The following PDZD2 variants were observed in gnomAD, a reference collection of about 807,000 sequenced individuals.
PDZD2 encodes the protein PDZ domain-containing protein 2.
PDZD2 carries 90 observed loss-of-function variants against 220.7 expected under a neutral mutation model. The ratio of observed to expected loss-of-function variants is 0.41; its 90% CI spans 0.34 to 0.49. The LOEUF is 0.49. Ranked by LOEUF, PDZD2 falls within the 20% of genes least tolerant of loss-of-function variation. The pLI, the probability that PDZD2 is intolerant of heterozygous loss-of-function variation, is 0.28. For synonymous variants in PDZD2, 1,375 were observed against 1,450.5 expected, an observed-to-expected ratio of 0.95 and a Z score of 1.18; for missense variants, 3,174 against 3,608.5, an observed-to-expected ratio of 0.88 and a Z score of 3.08.
In PDZD2 at chr5:31,699,793, T is replaced by G. The variant is rs555225466; in HGVS notation, c.-361+60356T>G. ...TTTTTTTTTGTTTGTTTTTTTTTTG[T>G]TTTTTTTTTGGTATTTTAGTAGAGA... is the stretch of plus-strand genomic sequence containing the variant. On this transcript the variant is annotated intron_variant, in intron 1 of 24. Transcript: ENST00000438447. Among the ~76,000 whole-genome samples, 70 of 118,484 alleles carry G rather than the reference T, an allele frequency of 5.9e-4. 2 individuals carry two copies. Among genetic ancestry groups the G allele is most frequent in the South Asian group, 1.6e-3 (6 of 3,732 alleles). The allele number at this position is 118,484 out of a possible 152,430, so 77.7% of individuals were successfully genotyped here. A position where few individuals can be genotyped will look rare whatever the true frequency, so the allele number is the denominator to read the frequency against.
chr5:31,782,474 C>G (rs1753112643), intron 1 of PDZD2, among the ~76,000 whole-genome samples: 1 of 152,052 alleles, frequency 6.6e-6, no homozygotes, highest in Non-Finnish European at 1.5e-5. Flanking sequence ...TTCCTGTGGT[C>G]CCAGTCTCAG....
At chr5:31,932,167 A>G (rs997988277) in intron 2 of PDZD2, among the ~76,000 whole-genome samples, 6 of 152,192 alleles carry the variant, frequency 3.9e-5, no homozygotes, top group African/African-American at 1.4e-4. Context: ...TTTTAAGACC[A>G]TTTATGAATT....
chr5:31,699,652 G>A (rs889129019), intron 1 of PDZD2, among the ~76,000 whole-genome samples: 1 of 152,110 alleles, frequency 6.6e-6, no homozygotes, highest in African/African-American at 2.4e-5. Context: ...CACCCAGACT[G>A]GAGTGTAGTG....
At chr5:32,045,635 G>A (rs1371711312) in intron 7 of PDZD2, among the ~76,000 whole-genome samples, 1 of 150,502 alleles carries the variant, frequency 6.6e-6, no homozygotes, top group Non-Finnish European at 1.5e-5. Flanking sequence ...CACCATGTTG[G>A]CCAGGATGGT....
intron 8 of PDZD2, among the ~76,000 whole-genome samples, chr5:32,052,338 G>T (rs900963257): frequency 1.3e-5 from 2 of 152,208 alleles, no homozygotes; most frequent in African/African-American, 4.8e-5. Flanking sequence ...TAGAGCCGGG[G>T]TTTCACCACG....
intron 2 of PDZD2, chr5:31,923,618 ATCAT>A: frequency 1.4e-6 from 1 of 731,886 alleles, no homozygotes; most frequent in South Asian, 1.4e-5. Context: ...GAGATGGGAC[ATCAT>A]TCAGTCACTA....
At chr5:32,095,904 CTT>C (rs78609791) in intron 21 of PDZD2, among the ~76,000 whole-genome samples, 18 of 121,308 alleles carry the variant, frequency 1.5e-4, no homozygotes, top group Middle Eastern at 4.2e-3. Context: ...CCATGCCCGG[CTT>C]TTTTTTTTTT....
At chr5:31,753,600 C>CAAAT (rs71614264) in intron 1 of PDZD2, among the ~76,000 whole-genome samples, 87,052 of 148,902 alleles carry the variant, frequency 0.58, 25,923 homozygotes, top group East Asian at 0.87. Flanking sequence ...GACTCTGTCT[C>CAAAT]AAATAAATAA....
intron 1 of PDZD2, among the ~76,000 whole-genome samples, chr5:31,798,119 G>C (rs902273122): frequency 6.6e-6 from 1 of 152,184 alleles, no homozygotes; most frequent in African/African-American, 2.4e-5. Context: ...TGGCCCTGCT[G>C]TCTGCTGACT....
At chr5:31,850,341 G>T (rs970344208) in intron 2 of PDZD2, among the ~76,000 whole-genome samples, 1 of 135,558 alleles carries the variant, frequency 7.4e-6, no homozygotes, top group Non-Finnish European at 1.7e-5. Flanking sequence ...GAAAACAAAG[G>T]TCCGATGTTT....
At position 32,109,508 on chromosome 5, in the gene PDZD2, G is replaced by T. The variant is rs917109889; in HGVS notation, c.*1373G>T. The T allele has an allele frequency of 6.6e-6, 1 of 152,172 alleles. No homozygotes were observed. The highest frequency in any genetic ancestry group is 2.1e-4 in the South Asian group (1 of 4,822). The allele number at this position is 152,172 out of a possible 1,614,324, so 9.4% of individuals were successfully genotyped here. ...TAGCTGGCTTTTCTCTCCTCATGAT[G>T]TACCTTATTTTCTTAGGTAAATAAT... On this transcript the variant is annotated 3_prime_UTR_variant, in exon 25 of 25. Coordinates refer to ENST00000438447, the MANE Select transcript of PDZD2 (RefSeq NM_178140.4).
chr5:32,008,882 C>G (rs1324699310), intron 5 of PDZD2, among the ~76,000 whole-genome samples: 2 of 152,128 alleles, frequency 1.3e-5, no homozygotes, highest in East Asian at 3.9e-4. Context: ...CCGCGTGGGC[C>G]TCAGTCGTGA....
At chr5:31,666,852 A>G (rs530052382) in intron 1 of PDZD2, among the ~76,000 whole-genome samples, 4 of 152,132 alleles carry the variant, frequency 2.6e-5, no homozygotes, top group African/African-American at 9.6e-5. Context: ...GAACCCTCAG[A>G]CTCTCAGCCT....
chr5:31,793,555 C>T (rs1312118732), intron 1 of PDZD2, among the ~76,000 whole-genome samples: 1 of 152,090 alleles, frequency 6.6e-6, no homozygotes, highest in Non-Finnish European at 1.5e-5. Context: ...ACCTGTAATC[C>T]CAGCACTTTG....
intron 2 of PDZD2, among the ~76,000 whole-genome samples, chr5:31,803,431 T>C (rs1390082885): frequency 3.3e-5 from 5 of 151,768 alleles, no homozygotes; most frequent in African/African-American, 1.2e-4. Context: ...GAGGTTTTCA[T>C]GGGAAGGAAC....
chr5:32,075,498 G>A (rs1741202029), intron 18 of PDZD2, among the ~76,000 whole-genome samples: 1 of 152,128 alleles, frequency 6.6e-6, no homozygotes, highest in Non-Finnish European at 1.5e-5. Flanking sequence ...TCATAACCTT[G>A]CTGTGGTATC....
intron 7 of PDZD2, among the ~76,000 whole-genome samples, chr5:32,043,649 T>C (rs1042840901): frequency 3.3e-5 from 5 of 152,184 alleles, no homozygotes; most frequent in African/African-American, 1.2e-4. Context: ...CTTTTTGAGA[T>C]GGAATTTTGT....
chr5:31,797,762 T>C lies in PDZD2; in HGVS notation c.-360-1127T>C, dbSNP rs1436956154. On this transcript the variant is annotated intron_variant, in intron 1 of 24. Transcript: ENST00000438447. ...CAAAGCACGCTATATTGGAAATTTC[T>C]TTTTGGTTACTGAGTAATAAGGTCA... Among the ~76,000 whole-genome samples, 12 of 152,242 alleles carry C rather than the reference T, an allele frequency of 7.9e-5. No homozygotes were observed. In the East Asian group the frequency reaches 2.3e-3, roughly 29 times the overall value.
rs745430355 is a variant in PDZD2 at position 32,084,948 on chromosome 5, C to CTTTTTT, written c.3683-2162_3683-2157dup. Reference sequence around the variant, plus strand: ...TGCTTCTCTGCTTTCATTCTGTTGCCTTTTTTTTTTTTTTTTTTTTTTTTT... The same window carrying CTTTTTT: ...TGCTTCTCTGCTTTCATTCTGTTGCCTTTTTTTTTTTTTTTTTTTTTTTTTTTTTTT... On this transcript the variant is annotated intron_variant, in intron 19 of 24. Transcript: ENST00000438447. Among the ~76,000 whole-genome samples, 826 of 94,484 alleles carry CTTTTTT rather than the reference C, an allele frequency of 8.7e-3. 47 individuals are homozygous for CTTTTTT. The highest frequency in any genetic ancestry group is 0.014 in the Non-Finnish European group (695 of 50,122). 62.0% of individuals were successfully genotyped at this position (94,484 alleles called of 152,430 possible).
Sources: allele counts gnomAD v4.1 joint callset (sites outside exome capture counted in the v4.1 genomes callset), GRCh38; gene constraint gnomAD v4.1.1; transcripts MANE v1.5; gene names NCBI Gene and HGNC (gene_info 2026-07-23, HGNC 2026-07-21).